The following LTBP2 variants were observed in gnomAD, a reference collection of about 807,000 sequenced individuals.
LTBP2 encodes the protein latent-transforming growth factor beta-binding protein 2.
In LTBP2, 103 loss-of-function variants were observed where a neutral mutation model predicts 210.6. The ratio of observed to expected loss-of-function variants is 0.49; its 90% CI spans 0.42 to 0.58. The LOEUF is 0.58. Among genes scored for constraint, LTBP2 ranks in the 20% least tolerant of loss-of-function variants. The pLI, the probability that LTBP2 is intolerant of heterozygous loss-of-function variation, is 0.00. For synonymous variants in LTBP2, 1,007 were observed against 1,015.0 expected, an observed-to-expected ratio of 0.99 and a Z score of 0.15; for missense variants, 2,313 against 2,494.5, an observed-to-expected ratio of 0.93 and a Z score of 1.55.
At position 74,529,177 on chromosome 14, in the gene LTBP2, G is replaced by A. The variant is rs562044371; in HGVS notation, c.1988-55C>T. The A allele has an allele frequency of 2.7e-5, 41 of 1,542,918 alleles. No individual in the cohort carries two copies. In the East Asian group the frequency reaches 5.1e-4, roughly 19 times the overall value. ...CAGGTGGCCAGTGGGAGGGGAATGC[G>A]CAGCTGGGAGGGCAGTGGATGGAGG... is the stretch of plus-strand genomic sequence containing the variant. On this transcript the variant is annotated intron_variant, in intron 10 of 35. Transcript: ENST00000261978.
intron 4 of LTBP2, 84 bp from the exon 5 acceptor site, chr14:74,553,146 G>A: frequency 7.5e-7 from 1 of 1,328,354 alleles, no homozygotes; most frequent in Admixed American, 1.8e-5. Context: ...AGCCCCATGG[G>A]ACTAGGGCTG....
chr14:74,551,132 G>A lies in LTBP2; in HGVS notation c.1618C>T (p.Leu540=). Residue 540 remains leucine (L), a synonymous_variant, in exon 7 of 36, where the codon CTG becomes TTG. Transcript: ENST00000261978. ...PARSGEPPRP[L]PPAAPRPRGL... ...CGAGGCCTGGGTGCTGCTGGGGGCA[G>A]TGGCCGAGGGGGCTCTCCAGACCGA... The A allele has an allele frequency of 6.2e-7, 1 of 1,613,928 alleles. No homozygotes were observed. The highest frequency in any genetic ancestry group is 8.5e-7 in the Non-Finnish European group (1 of 1,180,032).
chr14:74,538,121 C>T (rs7156894), intron 8 of LTBP2, among the ~76,000 whole-genome samples: 102,457 of 151,882 alleles, frequency 0.67, 35,834 homozygotes, highest in Non-Finnish European at 0.78. Context: ...AGATATTTAT[C>T]CTTTATCCAA....
At chr14:74,581,605 C>T (rs908455271) in intron 3 of LTBP2, among the ~76,000 whole-genome samples, 7 of 152,046 alleles carry the variant, frequency 4.6e-5, no homozygotes, top group East Asian at 1.9e-4. Context: ...ATGGGGCCTC[C>T]GTCTTACAAT....
In LTBP2 at chr14:74,611,759, T is replaced by G; in HGVS notation, c.186A>C (p.Ala62=). 6.2e-7 allele frequency: 1 copy of G among 1,608,158 alleles called. No individual in the cohort carries two copies. The highest frequency in any genetic ancestry group is 8.5e-7 in the Non-Finnish European group (1 of 1,179,412). The part of the protein sequence containing the change: ...RLRRPGGSYP[A]AAAAKVYSLF... The stretch of plus-strand genomic sequence containing the variant: ...GACTGTACACCTTGGCTGCAGCCGC[T>G]GCCGGGTAGCTGCCCCCAGGGCGCC... Residue 62 remains alanine, a synonymous_variant, in exon 1 of 36, where the codon GCA becomes GCC. Transcript: ENST00000261978.
chr14:74,572,688 A>G (rs1356952452), intron 3 of LTBP2, among the ~76,000 whole-genome samples: 2 of 151,934 alleles, frequency 1.3e-5, no homozygotes, highest in African/African-American at 2.4e-5. Context: ...GCCTGAAAAA[A>G]TCTCCATTAT....
At chr14:74,592,807 G>T (rs1028784850) in intron 2 of LTBP2, among the ~76,000 whole-genome samples, 1 of 152,184 alleles carries the variant, frequency 6.6e-6, no homozygotes, top group Non-Finnish European at 1.5e-5. Flanking sequence ...TGCGGGAGTT[G>T]ATCTGCAGAA....
At chr14:74,518,525 C>T (rs933755021) in intron 17 of LTBP2, among the ~76,000 whole-genome samples, 2 of 152,200 alleles carry the variant, frequency 1.3e-5, no homozygotes, top group African/African-American at 2.4e-5. Context: ...CCCAGCGTCC[C>T]CTGAGGGCCC....
chr14:74,505,178 T>C lies in LTBP2; in HGVS notation c.4178-4A>G, dbSNP rs76290186. 975 of 1,612,312 alleles carry C rather than the reference T, an allele frequency of 6.0e-4. 7 individuals are homozygous for C. The African/African-American group carries it at 0.012, about 20-fold the overall frequency. The stretch of plus-strand genomic sequence containing the variant: ...GGGGCCTCAGACATACTCTGACCTG[T>C]GCGTGACAGATGCTCATTACTGTCT... On this transcript the variant is annotated splice_region_variant and splice_polypyrimidine_tract_variant and intron_variant, in intron 28 of 35. Coordinates refer to ENST00000261978, the MANE Select transcript of LTBP2 (RefSeq NM_000428.3).
intron 2 of LTBP2, among the ~76,000 whole-genome samples, chr14:74,594,121 G>A (rs1315329420): frequency 1.3e-5 from 2 of 152,146 alleles, no homozygotes; most frequent in Non-Finnish European, 2.9e-5. Flanking sequence ...CAGGGATCAA[G>A]CCCTGGTTAC....
At chr14:74,557,950 C>T (rs2087749591) in intron 3 of LTBP2, among the ~76,000 whole-genome samples, 1 of 152,170 alleles carries the variant, frequency 6.6e-6, no homozygotes, top group South Asian at 2.1e-4. Flanking sequence ...GGCATCCCTT[C>T]CCCCAGTAGG....
intron 8 of LTBP2, among the ~76,000 whole-genome samples, chr14:74,538,723 T>C (rs2087454080): frequency 6.6e-6 from 1 of 152,244 alleles, no homozygotes; most frequent in African/African-American, 2.4e-5. Flanking sequence ...AACGCTTAAC[T>C]TTTTTAAGAT....
chr14:74,608,156 A>G (rs1047753375), intron 1 of LTBP2, among the ~76,000 whole-genome samples: 1 of 150,570 alleles, frequency 6.6e-6, no homozygotes, highest in Non-Finnish European at 1.5e-5. Context: ...TCCTGACCTC[A>G]TGATCCACCC....
intron 30 of LTBP2, 117 bp from the exon 31 acceptor site, chr14:74,504,171 C>A: frequency 2.2e-6 from 3 of 1,361,014 alleles, no homozygotes; most frequent in Non-Finnish European, 1.0e-6. Context: ...TACTAGGTGG[C>A]TTTGGGCAAG....
At chr14:74,548,074 A>C (rs1166344185) in intron 8 of LTBP2, among the ~76,000 whole-genome samples, 4 of 151,374 alleles carry the variant, frequency 2.6e-5, no homozygotes, top group Admixed American at 2.6e-4. Context: ...CCTGGAAGTC[A>C]CCTCCTCTGA....
chr14:74,589,629 A>G (rs2088253309), intron 2 of LTBP2, among the ~76,000 whole-genome samples: 1 of 152,044 alleles, frequency 6.6e-6, no homozygotes, highest in Non-Finnish European at 1.5e-5. Context: ...CCACCCCTCC[A>G]TCTGCCCAAG....
rs147120823 is a variant in LTBP2 at position 74,514,703 on chromosome 14, C to T, written c.2908+2119G>A. Among the ~76,000 whole-genome samples the T allele has an allele frequency of 1.2e-4, 19 of 152,236 alleles. No homozygotes were observed. The East Asian group carries it at 1.7e-3, about 14-fold the overall frequency. On this transcript the variant is annotated intron_variant, in intron 18 of 35. Transcript: ENST00000261978. ...TGGAGTCCCGGTACGACGGAAATGCCGTTGAGACTGCTGGACGGGCCTCTG... is the reference window on the plus strand; with the variant it reads ...TGGAGTCCCGGTACGACGGAAATGCTGTTGAGACTGCTGGACGGGCCTCTG...
intron 18 of LTBP2, 130 bp downstream of exon 18, chr14:74,516,692 T>C (rs756181083): frequency 5.0e-5 from 62 of 1,240,832 alleles, no homozygotes; most frequent in Admixed American, 2.8e-4. Flanking sequence ...TCTCTGTCCA[T>C]AGACGTGGGC....
chr14:74,509,600 TC>T (rs2087042735), intron 21 of LTBP2, 133 bp downstream of exon 21: 2 of 1,336,376 alleles, frequency 1.5e-6, no homozygotes, highest in African/African-American at 1.4e-5. Flanking sequence ...TGGGGCCAGG[TC>T]CATTTATGGG....
Sources: allele counts gnomAD v4.1 joint callset (sites outside exome capture counted in the v4.1 genomes callset), GRCh38; gene constraint gnomAD v4.1.1; transcripts MANE v1.5; gene names NCBI Gene and HGNC (gene_info 2026-07-23, HGNC 2026-07-21).